PPFIBP1: variants seen among roughly 807,000 people sequenced by gnomAD.
The protein encoded by PPFIBP1 is PPFIB scaffold protein 1.
PPFIBP1 carries 112 observed loss-of-function variants against 137.8 expected under a neutral mutation model. That is an observed-to-expected ratio of 0.81 (90% confidence interval 0.70 to 0.95). PPFIBP1 has a LOEUF of 0.95. Among genes scored for constraint, PPFIBP1 ranks in the 40% least tolerant of loss-of-function variants. PPFIBP1 has a pLI of 0.00. For synonymous variants in PPFIBP1, 378 were observed against 417.3 expected (o/e 0.91, Z 1.15); for missense variants, 1,083 against 1,196.6 (o/e 0.91, Z 1.40).
chr12:27,587,589 C>T (rs2051928185), intron 2 of PPFIBP1, among the ~76,000 whole-genome samples: 1 of 147,848 alleles, frequency 6.8e-6, no homozygotes, highest in African/African-American at 2.5e-5. Context: ...CACCACTGCA[C>T]CCCAGCCTCG....
intron 22 of PPFIBP1, 62 bp from the exon 23 acceptor site, chr12:27,682,325 C>G: frequency 8.7e-7 from 1 of 1,149,276 alleles, no homozygotes; most frequent in Non-Finnish European, 1.3e-6. Flanking sequence ...AAATTTGCAT[C>G]CTTTGCCAGT....
rs143605428 is a variant in PPFIBP1 at position 27,685,254 on chromosome 12, T to C, written c.2248-2131T>C. 3.3e-3 allele frequency among the ~76,000 whole-genome samples: 500 copies of C among 151,314 alleles called. 3 individuals are homozygous for C. Among genetic ancestry groups the C allele is most frequent in the African/African-American group, 0.011 (467 of 41,410 alleles). On this transcript the variant is annotated intron_variant, in intron 24 of 29. Coordinates refer to ENST00000228425, the MANE Select transcript of PPFIBP1 (RefSeq NM_003622.4). Reference sequence around the variant, plus strand: ...ATACACACACATACACATATATGCATGTTTGTATATATGTGTGTGTGTATC... The same window carrying C: ...ATACACACACATACACATATATGCACGTTTGTATATATGTGTGTGTGTATC...
chr12:27,562,549 T>G (rs2049254897), intron 1 of PPFIBP1, among the ~76,000 whole-genome samples: 1 of 152,226 alleles, frequency 6.6e-6, no homozygotes. Flanking sequence ...TATTTTTTCC[T>G]TTATCTTTAA....
chr12:27,528,583 A>C (rs763458359), intron 1 of PPFIBP1, among the ~76,000 whole-genome samples: 1 of 152,172 alleles, frequency 6.6e-6, no homozygotes. Flanking sequence ...AATACATAGA[A>C]TCTTTCTTTT....
intron 2 of PPFIBP1, among the ~76,000 whole-genome samples, chr12:27,606,409 A>T (rs2054527317): frequency 6.6e-6 from 1 of 152,158 alleles, no homozygotes. Context: ...AAAGCTAGGA[A>T]ATTTTTTTAG....
chr12:27,571,415 C>T (rs1219970855), intron 1 of PPFIBP1, among the ~76,000 whole-genome samples: 1 of 152,068 alleles, frequency 6.6e-6, no homozygotes, highest in Non-Finnish European at 1.5e-5. Flanking sequence ...AAGCATGTAT[C>T]AATCTGGTCC....
chr12:27,542,017 C>G (rs745618351), intron 1 of PPFIBP1, among the ~76,000 whole-genome samples: 2 of 152,122 alleles, frequency 1.3e-5, no homozygotes, highest in Non-Finnish European at 2.9e-5. Flanking sequence ...GACTTTGTTA[C>G]TTACCCATCC....
At chr12:27,640,371 C>T (rs916803116) in intron 4 of PPFIBP1, among the ~76,000 whole-genome samples, 7 of 152,246 alleles carry the variant, frequency 4.6e-5, no homozygotes, top group East Asian at 1.9e-4. Flanking sequence ...TCTAGATCTT[C>T]GTATCCTGTC....
chr12:27,650,155 T>C lies in PPFIBP1; in HGVS notation c.603+14T>C. 1 of 1,583,584 alleles carries C rather than the reference T, an allele frequency of 6.3e-7. No homozygotes were observed. Among genetic ancestry groups the C allele is most frequent in the Non-Finnish European group, 8.7e-7 (1 of 1,155,342 alleles). ...AGAGACACAGAGGTGAGTGATACAG[T>C]CTCTCCTCCCTCTCTCTCTCTCTCT... On this transcript the variant is annotated intron_variant, in intron 7 of 29. Coordinates refer to ENST00000228425, the MANE Select transcript of PPFIBP1 (RefSeq NM_003622.4).
intron 2 of PPFIBP1, among the ~76,000 whole-genome samples, chr12:27,614,304 A>G (rs141963698): frequency 6.6e-6 from 1 of 152,310 alleles, no homozygotes; most frequent in Non-Finnish European, 1.5e-5. Context: ...ACTTAAGCCC[A>G]GGAGGTTGAG....
intron 19 of PPFIBP1, 43 bp from the exon 20 acceptor site, chr12:27,679,435 TCATGTTTATTC>T: frequency 4.0e-6 from 6 of 1,513,858 alleles, no homozygotes; most frequent in South Asian, 1.2e-5. Flanking sequence ...AAGATTAACA[TCATGTTTATTC>T]CATATTTTAA....
chr12:27,655,164 A>G, intron 8 of PPFIBP1: 1 of 1,535,410 alleles, frequency 6.5e-7, no homozygotes, highest in Non-Finnish European at 8.7e-7. Context: ...CAAACTTTCT[A>G]GCATGAAAAT....
At chr12:27,612,949 A>G (rs1156690169) in intron 2 of PPFIBP1, among the ~76,000 whole-genome samples, 2 of 151,898 alleles carry the variant, frequency 1.3e-5, no homozygotes, top group Non-Finnish European at 2.9e-5. Flanking sequence ...CATCATCATC[A>G]TCATCATCAT....
At chr12:27,563,334 G>A (rs2136441351) in intron 1 of PPFIBP1, among the ~76,000 whole-genome samples, 1 of 143,620 alleles carries the variant, frequency 7.0e-6, no homozygotes, top group Admixed American at 7.0e-5. Context: ...GCCAGCGCCT[G>A]TGGTCCCAGC....
intron 2 of PPFIBP1, among the ~76,000 whole-genome samples, chr12:27,604,587 C>G (rs1186012241): frequency 1.3e-5 from 2 of 152,216 alleles, no homozygotes; most frequent in Non-Finnish European, 2.9e-5. Flanking sequence ...TTTCTCTGCA[C>G]TTCCCTGAAG....
intron 4 of PPFIBP1, among the ~76,000 whole-genome samples, chr12:27,643,167 C>T (rs1436432796): frequency 4.9e-5 from 7 of 144,166 alleles, no homozygotes; most frequent in East Asian, 2.1e-4. Context: ...TCAACCATGG[C>T]GTGCATACCA....
chr12:27,533,231 A>G (rs1944602849), intron 1 of PPFIBP1, among the ~76,000 whole-genome samples: 1 of 152,128 alleles, frequency 6.6e-6, no homozygotes, highest in Non-Finnish European at 1.5e-5. Context: ...TTGAAATTCC[A>G]TCATGACCCA....
chr12:27,629,970 A>G (rs2057145447), intron 2 of PPFIBP1, among the ~76,000 whole-genome samples: 1 of 152,170 alleles, frequency 6.6e-6, no homozygotes, highest in African/African-American at 2.4e-5. Flanking sequence ...TATATGCCTT[A>G]TCCTGGTGAA....
At chr12:27,587,692 C>T (rs2051952171) in intron 2 of PPFIBP1, among the ~76,000 whole-genome samples, 1 of 148,512 alleles carries the variant, frequency 6.7e-6, no homozygotes, top group Non-Finnish European at 1.5e-5. Context: ...TAATAGAGAT[C>T]TATACTACTT....
Sources: allele counts gnomAD v4.1 joint callset (sites outside exome capture counted in the v4.1 genomes callset), GRCh38; gene constraint gnomAD v4.1.1; transcripts MANE v1.5; gene names NCBI Gene and HGNC (gene_info 2026-07-23, HGNC 2026-07-21).